The following LPP variants were observed in gnomAD, a reference collection of about 807,000 sequenced individuals.
LPP encodes lipoma-preferred partner.
LPP carries 38 observed loss-of-function variants against 60.4 expected under a neutral mutation model. The ratio of observed to expected loss-of-function variants is 0.63; its 90% CI spans 0.49 to 0.83. The LOEUF is 0.83. LPP is among the 40% of genes least tolerant of loss of function. LPP has a pLI of 0.00. For missense variants in LPP, 902 were observed against 783.6 expected, an observed-to-expected ratio of 1.15 and a Z score of -1.80; for synonymous variants, 328 against 290.8, an observed-to-expected ratio of 1.13 and a Z score of -1.30.
chr3:188,171,601 TC>T (rs1236147419), intron 1 of LPP, among the ~76,000 whole-genome samples: 35 of 152,322 alleles, frequency 2.3e-4, no homozygotes, highest in African/African-American at 7.9e-4. Flanking sequence ...TAGCACCATT[TC>T]TTTATGGAAT....
chr3:188,528,932 C>T (rs1821407928), intron 6 of LPP, among the ~76,000 whole-genome samples: 1 of 151,446 alleles, frequency 6.6e-6, no homozygotes, highest in Non-Finnish European at 1.5e-5. Flanking sequence ...TTCAGAAGGT[C>T]AAAAAAAATT....
chr3:188,866,378 A>G lies in LPP; in HGVS notation c.1589A>G (p.Lys530Arg), dbSNP rs992438317. The G allele has an allele frequency of 3.4e-6, 5 of 1,460,798 alleles. No individual in the cohort carries two copies. In the African/African-American group the frequency reaches 7.2e-5, roughly 21 times the overall value. The allele number at this position is 1,460,798 out of a possible 1,614,324, so 90.5% of individuals were successfully genotyped here. A position where few individuals can be genotyped will look rare whatever the true frequency, so the allele number is the denominator to read the frequency against. Reference sequence around the variant, plus strand: ...ATTCACTGCATTGAGGACTTCCACAAGTAGGCAACCTACTCTCTCGTCACC... The same window carrying G: ...ATTCACTGCATTGAGGACTTCCACAGGTAGGCAACCTACTCTCTCGTCACC... ...GLIHCIEDFHKKFAPRCSVCK... is the reference protein window; with the variant it reads ...GLIHCIEDFHRKFAPRCSVCK... Residue 530 changes from lysine (K) to arginine (R), a missense_variant and splice_region_variant, in exon 10 of 12, where the codon AAG (lysine) becomes AGG (arginine). Physicochemically the swap from Lys to Arg is conservative, Grantham distance 26. Coordinates refer to ENST00000617246, the MANE Select transcript of LPP (RefSeq NM_001375462.1).
intron 7 of LPP, among the ~76,000 whole-genome samples, chr3:188,658,420 T>TC (rs1853842922): frequency 6.6e-6 from 1 of 151,388 alleles, no homozygotes; most frequent in Non-Finnish European, 1.5e-5. Flanking sequence ...GAAGTTATTT[T>TC]TTAAATTAAA....
chr3:188,821,393 G>A (rs1055580410), intron 9 of LPP, among the ~76,000 whole-genome samples: 1 of 148,734 alleles, frequency 6.7e-6, no homozygotes, highest in African/African-American at 2.5e-5. Context: ...GCTGCCCAAT[G>A]TCATTCCAAT....
At chr3:188,447,334 G>C (rs1795453123) in intron 4 of LPP, among the ~76,000 whole-genome samples, 2 of 152,250 alleles carry the variant, frequency 1.3e-5, no homozygotes, top group South Asian at 2.1e-4. Flanking sequence ...ACTCTTGGCT[G>C]GGCGTGGTGG....
chr3:188,186,211 G>A (rs903011616), intron 1 of LPP, among the ~76,000 whole-genome samples: 2 of 152,148 alleles, frequency 1.3e-5, no homozygotes, highest in African/African-American at 4.8e-5. Context: ...GTGCTTCTGG[G>A]CCACAGTGCT....
chr3:188,401,663 AACAG>A (rs1247174845), intron 3 of LPP, among the ~76,000 whole-genome samples: 1 of 152,252 alleles, frequency 6.6e-6, no homozygotes, highest in African/African-American at 2.4e-5. Context: ...TCATTAAATT[AACAG>A]ACATTTTTAT....
At chr3:188,425,446 A>G (rs923300262) in intron 4 of LPP, among the ~76,000 whole-genome samples, 1 of 152,116 alleles carries the variant, frequency 6.6e-6, no homozygotes, top group African/African-American at 2.4e-5. Context: ...TGGTAGCAGG[A>G]TGATGCTGGC....
At chr3:188,221,172 C>G (rs1421990295) in intron 1 of LPP, among the ~76,000 whole-genome samples, 1 of 152,188 alleles carries the variant, frequency 6.6e-6, no homozygotes, top group African/African-American at 2.4e-5. Flanking sequence ...TCTGAGAACA[C>G]CCTGAACTCA....
At chr3:188,370,480 T>C (rs1221587429) in intron 3 of LPP, among the ~76,000 whole-genome samples, 1 of 152,174 alleles carries the variant, frequency 6.6e-6, no homozygotes, top group Non-Finnish European at 1.5e-5. Flanking sequence ...TTGAGCCTTT[T>C]AGGTTTTCAG....
At position 188,875,216 on chromosome 3, in the gene LPP, T is replaced by C. The variant is rs1017729915; in HGVS notation, c.*737T>C. The C allele has an allele frequency of 1.8e-5, 4 of 217,902 alleles. No homozygotes were observed. The highest frequency in any genetic ancestry group is 9.0e-5 in the African/African-American group (4 of 44,480). 13.5% of individuals were successfully genotyped at this position (217,902 alleles called of 1,614,324 possible). A position where few individuals can be genotyped will look rare whatever the true frequency, so the allele number is the denominator to read the frequency against. Reference sequence around the variant, plus strand: ...TAAAGAAATTACAGGTGGGATATGCTAGAAAAGGCATTTTGGGGTTATGTT... The same window carrying C: ...TAAAGAAATTACAGGTGGGATATGCCAGAAAAGGCATTTTGGGGTTATGTT... On this transcript the variant is annotated 3_prime_UTR_variant, in exon 12 of 12. Coordinates refer to ENST00000617246, the MANE Select transcript of LPP (RefSeq NM_001375462.1).
chr3:188,834,594 T>C (rs145358642), intron 9 of LPP, among the ~76,000 whole-genome samples: 1 of 152,254 alleles, frequency 6.6e-6, no homozygotes, highest in East Asian at 1.9e-4. Context: ...ATTCAGTTCC[T>C]CAGTTTCCGC....
chr3:188,389,949 G>A (rs1779312946), intron 3 of LPP, among the ~76,000 whole-genome samples: 1 of 152,120 alleles, frequency 6.6e-6, no homozygotes, highest in Non-Finnish European at 1.5e-5. Context: ...ATCCAGGTGA[G>A]CAAACCTGGA....
rs1331003393 is a variant in LPP, at chr3:188,866,245, C to T, written c.1456C>T (p.Arg486Trp). The T allele has an allele frequency of 1.2e-5, 19 of 1,580,152 alleles. No individual in the cohort carries two copies. Among genetic ancestry groups the T allele is most frequent in the East Asian group, 2.3e-5 (1 of 42,746 alleles). ...CNVCSKPIME[R>W]ILRATGKAYH... ...TGTGTGTTCCAAGCCCATCATGGAG[C>T]GGATTCTCCGAGCCACCGGGAAGGC... The change falls in exon 10 of 12, where the codon CGG (arginine) becomes TGG (tryptophan). Residue 486 changes from arginine (R) to tryptophan (W), a missense_variant. By Grantham distance (101) the Arg-to-Trp change is moderately radical. Transcript: ENST00000617246.
intron 6 of LPP, among the ~76,000 whole-genome samples, chr3:188,581,663 T>C (rs755691898): frequency 1.4e-4 from 21 of 152,036 alleles, no homozygotes; most frequent in Admixed American, 3.9e-4. Context: ...CTCATCTCCA[T>C]TCAGCTGCAG....
chr3:188,752,946 C>T (rs544741004), intron 8 of LPP, among the ~76,000 whole-genome samples: 41 of 152,296 alleles, frequency 2.7e-4, no homozygotes, highest in African/African-American at 9.9e-4. Flanking sequence ...ACTAAGATCC[C>T]CTGAGGCTTG....
chr3:188,492,336 A>C (rs1361482651), intron 5 of LPP, among the ~76,000 whole-genome samples: 1 of 152,178 alleles, frequency 6.6e-6, no homozygotes, highest in Admixed American at 6.5e-5. Context: ...TTCAAAGGTG[A>C]AATGTACTTA....
chr3:188,720,595 T>A, intron 8 of LPP, among the ~76,000 whole-genome samples: 1 of 130,668 alleles, frequency 7.7e-6, no homozygotes, highest in Non-Finnish European at 1.6e-5. Context: ...GCAAAAAATA[T>A]CCGAGGCAAT....
At chr3:188,782,815 C>T (rs1217265952) in intron 9 of LPP, among the ~76,000 whole-genome samples, 1 of 151,924 alleles carries the variant, frequency 6.6e-6, no homozygotes, top group Non-Finnish European at 1.5e-5. Flanking sequence ...GCGCCTTGAC[C>T]CCACCCACAG....
Sources: gnomAD v4.1 joint callset for allele counts (sites outside exome capture counted in the v4.1 genomes callset) on GRCh38, gnomAD v4.1.1 for gene constraint, MANE v1.5 for transcripts, NCBI Gene and HGNC (gene_info 2026-07-23, HGNC 2026-07-21) for gene names.